The following HDAC9 variants were observed in gnomAD, a reference collection of about 807,000 sequenced individuals.
HDAC9 encodes histone deacetylase 9.
A neutral mutation model predicts 139.4 loss-of-function variants in HDAC9; 41 were observed. That is an observed-to-expected ratio of 0.29 (90% CI 0.23 to 0.38). HDAC9 has a LOEUF of 0.38. Ranked by LOEUF, HDAC9 falls within the 10% of genes least tolerant of loss-of-function variation. The pLI, the probability that HDAC9 is intolerant of heterozygous loss-of-function variation, is 1.00. For synonymous variants in HDAC9, 517 were observed against 476.2 expected, an observed-to-expected ratio of 1.09 and a Z score of -1.12; for missense variants, 1,147 against 1,297.0, an observed-to-expected ratio of 0.88 and a Z score of 1.78.
At chr7:18,211,545 T>A (rs1178384) in intron 2 of HDAC9, among the ~76,000 whole-genome samples, 2 of 152,192 alleles carry the variant, frequency 1.3e-5, no homozygotes, top group African/African-American at 4.8e-5. Context: ...GATTTGATTC[T>A]TCTCACAAAA....
rs538863804 is a variant in HDAC9, at chr7:18,392,731, G to A, written c.-42+102216G>A. ...TTTGAGTTATACTTTTATTTTTCCA[G>A]AGGACATGATATTTCATTCTTCACA... On this transcript the variant is annotated intron_variant, in intron 1 of 3. Transcript: ENST00000413509. Among the ~76,000 whole-genome samples, 47 of 151,922 alleles carry A rather than the reference G, an allele frequency of 3.1e-4. No homozygotes were observed. In the South Asian group the frequency reaches 9.6e-3, roughly 31 times the overall value.
At position 18,352,765 on chromosome 7, in the gene HDAC9, G is replaced by C. The variant is rs1010105557; in HGVS notation, c.-42+62250G>C. Among the ~76,000 whole-genome samples, 3 of 151,868 alleles carry C rather than the reference G, an allele frequency of 2.0e-5. No individual in the cohort carries two copies. The East Asian group carries it at 5.8e-4, about 29-fold the overall frequency. On this transcript the variant is annotated intron_variant, in intron 1 of 3. Transcript: ENST00000413509. ...GCAAATAAGGAGCTGGCTGATGTTT[G>C]TTTTTTTCCCCCCTTTTCCCCACTT...
chr7:18,131,426 G>T (rs1784996645), intron 1 of HDAC9, among the ~76,000 whole-genome samples: 1 of 152,164 alleles, frequency 6.6e-6, no homozygotes, highest in Non-Finnish European at 1.5e-5. Context: ...GCACTAATCA[G>T]AATTCCTTGG....
intron 1 of HDAC9, among the ~76,000 whole-genome samples, chr7:18,326,267 T>A (rs1196080711): frequency 6.6e-6 from 1 of 152,080 alleles, no homozygotes; most frequent in African/African-American, 2.4e-5. Context: ...AAAGTGAAAT[T>A]CCCTACATTC....
intron 13 of HDAC9, among the ~76,000 whole-genome samples, chr7:18,729,829 T>G (rs1182976820): frequency 6.6e-6 from 1 of 152,216 alleles, no homozygotes; most frequent in Non-Finnish European, 1.5e-5. Flanking sequence ...AAAATTATTT[T>G]AGAAAACACA....
chr7:18,248,356 G>C (rs778644479), intron 2 of HDAC9, among the ~76,000 whole-genome samples: 1 of 152,118 alleles, frequency 6.6e-6, no homozygotes, highest in Non-Finnish European at 1.5e-5. Flanking sequence ...TACTAGTATT[G>C]CACATAAATA....
At chr7:18,586,301 A>G (rs1470417510) in intron 3 of HDAC9, among the ~76,000 whole-genome samples, 1 of 152,106 alleles carries the variant, frequency 6.6e-6, no homozygotes, top group Non-Finnish European at 1.5e-5. Flanking sequence ...TTTGTAAAAC[A>G]TCTTGCAACT....
intron 2 of HDAC9, among the ~76,000 whole-genome samples, chr7:18,271,435 A>G (rs890503318): frequency 6.6e-5 from 10 of 152,104 alleles, no homozygotes; most frequent in Non-Finnish European, 1.2e-4. Flanking sequence ...CCTCCTCACC[A>G]TGGTGTTGGA....
intron 2 of HDAC9, chr7:18,543,129 A>C (rs1012629916): frequency 6.6e-6 from 1 of 152,152 alleles, no homozygotes; most frequent in Admixed American, 6.5e-5. Context: ...TTATTTTTTG[A>C]CAGACCCTGT....
At chr7:18,198,782 G>A (rs1790900584) in intron 2 of HDAC9, among the ~76,000 whole-genome samples, 2 of 152,112 alleles carry the variant, frequency 1.3e-5, no homozygotes, top group Non-Finnish European at 2.9e-5. Context: ...TTGATATCAT[G>A]TATTTGACAT....
chr7:18,266,718 C>G (rs1796025307), intron 2 of HDAC9, among the ~76,000 whole-genome samples: 1 of 152,098 alleles, frequency 6.6e-6, no homozygotes, highest in Non-Finnish European at 1.5e-5. Flanking sequence ...ATACCACTGC[C>G]TTGATTGTTG....
chr7:18,548,418 C>T (rs1286698618), intron 2 of HDAC9, among the ~76,000 whole-genome samples: 1 of 152,154 alleles, frequency 6.6e-6, no homozygotes, highest in African/African-American at 2.4e-5. Context: ...CACTGACACA[C>T]TTGCTCAAAG....
intron 12 of HDAC9, among the ~76,000 whole-genome samples, chr7:18,680,839 G>A (rs1440539914): frequency 6.6e-6 from 1 of 151,996 alleles, no homozygotes; most frequent in East Asian, 1.9e-4. Context: ...GGTTGCTTGG[G>A]ATGCTGAAGA....
At chr7:18,424,970 T>C (rs949235688) in intron 1 of HDAC9, among the ~76,000 whole-genome samples, 5 of 152,184 alleles carry the variant, frequency 3.3e-5, no homozygotes, top group African/African-American at 1.2e-4. Flanking sequence ...TTCAGAATAT[T>C]CTATTATTGT....
intron 13 of HDAC9, among the ~76,000 whole-genome samples, chr7:18,735,287 G>A (rs1029163867): frequency 2.6e-5 from 4 of 152,194 alleles, no homozygotes; most frequent in Non-Finnish European, 4.4e-5. Flanking sequence ...TGCTTTTGGT[G>A]TTTTTGTTAT....
intron 2 of HDAC9, among the ~76,000 whole-genome samples, chr7:18,500,299 C>T (rs1798034199): frequency 6.6e-6 from 1 of 152,124 alleles, no homozygotes; most frequent in South Asian, 2.1e-4. Flanking sequence ...AAATGTGCCT[C>T]ATAATTTCTC....
intron 2 of HDAC9, among the ~76,000 whole-genome samples, chr7:18,253,358 A>AC (rs150089458): frequency 0.78 from 118,125 of 151,790 alleles, 46,085 homozygotes; most frequent in South Asian, 0.86. Context: ...AAACTAATTT[A>AC]CACTCCTACC....
chr7:18,886,390 A>G (rs1332640735), intron 22 of HDAC9, among the ~76,000 whole-genome samples: 2 of 152,244 alleles, frequency 1.3e-5, no homozygotes, highest in Admixed American at 6.5e-5. Context: ...ATATGTAAGC[A>G]GAGTTTGCCC....
intron 22 of HDAC9, among the ~76,000 whole-genome samples, chr7:18,891,254 C>T (rs531206841): frequency 2.0e-5 from 3 of 152,282 alleles, no homozygotes; most frequent in South Asian, 2.1e-4. Flanking sequence ...ACCACTTTGT[C>T]GCCCAAGTAG....
Sources: allele counts gnomAD v4.1 joint callset (sites outside exome capture counted in the v4.1 genomes callset), GRCh38; gene constraint gnomAD v4.1.1; transcripts MANE v1.5; gene names NCBI Gene and HGNC (gene_info 2026-07-23, HGNC 2026-07-21).